PEAK1: variants seen among roughly 807,000 people sequenced by gnomAD.
PEAK1 encodes the protein inactive tyrosine-protein kinase PEAK1.
A neutral mutation model predicts 124.7 loss-of-function variants in PEAK1; 54 were observed. The observed-to-expected ratio is 0.43, with a 90% CI of 0.35 to 0.54. The LOEUF (loss-of-function observed/expected upper bound fraction) is 0.54, where lower values mean the gene tolerates loss of function less well. Ranked by LOEUF, PEAK1 falls within the 20% of genes least tolerant of loss-of-function variation. The pLI is 0.01. For missense variants in PEAK1, 2,046 were observed against 2,134.5 expected, an observed-to-expected ratio of 0.96 and a Z score of 0.82; for synonymous variants, 719 against 760.0, an observed-to-expected ratio of 0.95 and a Z score of 0.89.
chr15:77,152,321 T>C (rs1239360535), intron 8 of PEAK1, among the ~76,000 whole-genome samples: 2 of 152,062 alleles, frequency 1.3e-5, no homozygotes, highest in East Asian at 3.8e-4. Flanking sequence ...ATGCTTGTGA[T>C]TTTTGTACAT....
intron 8 of PEAK1, chr15:77,155,593 T>C (rs557760176): frequency 4.9e-4 from 74 of 152,318 alleles, no homozygotes; most frequent in African/African-American, 1.6e-3. Context: ...TTCTGCTCTG[T>C]TTTTTCCCCA....
intron 6 of PEAK1, among the ~76,000 whole-genome samples, chr15:77,193,306 T>C (rs1365720104): frequency 6.6e-6 from 1 of 152,198 alleles, no homozygotes; most frequent in Admixed American, 6.5e-5. Context: ...ATAGACTCAT[T>C]TTACACACAA....
intron 7 of PEAK1, among the ~76,000 whole-genome samples, chr15:77,172,676 T>A (rs2056590701): frequency 6.6e-6 from 1 of 152,224 alleles, no homozygotes; most frequent in Non-Finnish European, 1.5e-5. Context: ...ACAGCAGAAG[T>A]ATTCTACGTG....
intron 2 of PEAK1, among the ~76,000 whole-genome samples, chr15:77,299,675 T>G (rs2063689919): frequency 6.6e-6 from 1 of 152,226 alleles, no homozygotes; most frequent in South Asian, 2.1e-4. Flanking sequence ...GTCTCTCAAC[T>G]TGGAATTCTC....
At position 77,210,492 on chromosome 15, in the gene PEAK1, G is replaced by GA. The variant is rs1567118915; in HGVS notation, c.-114-28453dup. On this transcript the variant is annotated intron_variant, in intron 6 of 9. Coordinates refer to ENST00000682557, the MANE Select transcript of PEAK1 (RefSeq NM_001385026.1). ...CTTAGATTACCTCCATATCCTTCAG[G>GA]AAAAAGTGTCTTTTAAACCAGAAAA... Among the ~76,000 whole-genome samples the GA allele has an allele frequency of 2.0e-5, 3 of 152,112 alleles. No homozygotes were observed. The East Asian group carries it at 5.8e-4, about 29-fold the overall frequency.
At chr15:77,165,285 C>T (rs138293810) in intron 7 of PEAK1, among the ~76,000 whole-genome samples, 2,517 of 151,982 alleles carry the variant, frequency 0.017, 34 homozygotes, top group Middle Eastern at 0.048. Flanking sequence ...ACCTCTGCCT[C>T]CCGGGTTCAA....
At chr15:77,375,414 A>T (rs1470944572) in intron 1 of PEAK1, among the ~76,000 whole-genome samples, 2 of 152,224 alleles carry the variant, frequency 1.3e-5, no homozygotes, top group East Asian at 3.8e-4. Context: ...AAGTAAGCCA[A>T]GGTAGCACTG....
intron 2 of PEAK1, chr15:77,335,309 G>A (rs1349590928): frequency 6.1e-6 from 6 of 985,268 alleles, no homozygotes; most frequent in Non-Finnish European, 7.2e-6. Flanking sequence ...TTTCTGGCAT[G>A]AGTGGCATTA....
chr15:77,195,768 T>C (rs1281918464), intron 6 of PEAK1, among the ~76,000 whole-genome samples: 1 of 152,274 alleles, frequency 6.6e-6, no homozygotes, highest in Non-Finnish European at 1.5e-5. Flanking sequence ...TGGTGACATG[T>C]ACTAATTAAT....
At chr15:77,295,091 A>G (rs1002297472) in intron 2 of PEAK1, among the ~76,000 whole-genome samples, 6 of 152,178 alleles carry the variant, frequency 3.9e-5, no homozygotes, top group Non-Finnish European at 8.8e-5. Flanking sequence ...AGAAGCATTG[A>G]ATATTAGTTT....
intron 5 of PEAK1, among the ~76,000 whole-genome samples, chr15:77,259,679 A>G (rs1258637122): frequency 6.6e-6 from 1 of 152,182 alleles, no homozygotes; most frequent in Admixed American, 6.6e-5. Context: ...CAATTAGAAT[A>G]CAGCATAAAA....
At chr15:77,334,194 A>G in intron 2 of PEAK1, 2 of 980,872 alleles carry the variant, frequency 2.0e-6, no homozygotes, top group Non-Finnish European at 2.4e-6. Context: ...GAAAGTACTG[A>G]CTTCAGTACA....
intron 1 of PEAK1, among the ~76,000 whole-genome samples, chr15:77,365,806 T>C (rs1030208634): frequency 2.1e-5 from 3 of 143,572 alleles, no homozygotes; most frequent in Non-Finnish European, 3.1e-5. Context: ...AAAAAATCAA[T>C]CTCCTTCATC....
chr15:77,335,440 T>C (rs903828123), intron 2 of PEAK1: 3 of 985,266 alleles, frequency 3.0e-6, no homozygotes, highest in African/African-American at 1.7e-5. Context: ...TTTTGCCCAA[T>C]ACTGTTGTCT....
At chr15:77,127,681 C>G (rs1435452327) in intron 9 of PEAK1, among the ~76,000 whole-genome samples, 1 of 152,038 alleles carries the variant, frequency 6.6e-6, no homozygotes, top group Non-Finnish European at 1.5e-5. Context: ...CTCCTGACTG[C>G]TTATAATAAA....
At chr15:77,350,599 A>C (rs1378071976) in intron 2 of PEAK1, 1 of 959,670 alleles carries the variant, frequency 1.0e-6, no homozygotes. Context: ...TATGTGTGTT[A>C]GAGATTCAAG....
intron 2 of PEAK1, chr15:77,338,071 G>A (rs1567277205): frequency 1.0e-6 from 1 of 982,836 alleles, no homozygotes. Flanking sequence ...TTTAGCTATT[G>A]GACTCAAACT....
At chr15:77,251,027 A>G (rs1247873485) in intron 6 of PEAK1, among the ~76,000 whole-genome samples, 3 of 152,170 alleles carry the variant, frequency 2.0e-5, no homozygotes, top group Non-Finnish European at 2.9e-5. Context: ...TTGACTTTTC[A>G]TATCTCCTGC....
chr15:77,369,349 G>C lies in PEAK1; in HGVS notation c.-665-4124C>G, dbSNP rs144853364. Among the ~76,000 whole-genome samples, 46 of 152,064 alleles carry C rather than the reference G, an allele frequency of 3.0e-4. 2 individuals carry two copies. Among genetic ancestry groups the C allele is most frequent in the Admixed American group, 3.0e-3 (46 of 15,258 alleles). ...AGTTCTTGTTAAGTATTAGCTTCTC[G>C]ACCCTTAGAAAATACAACCTATGAG... On this transcript the variant is annotated intron_variant, in intron 1 of 9. Transcript: ENST00000682557.
Sources: allele counts gnomAD v4.1 joint callset (sites outside exome capture counted in the v4.1 genomes callset), GRCh38; gene constraint gnomAD v4.1.1; transcripts MANE v1.5; gene names NCBI Gene and HGNC (gene_info 2026-07-23, HGNC 2026-07-21).